Variants in MTUS1 observed in about 807,000 individuals in gnomAD.
The protein encoded by MTUS1 is microtubule-associated tumor suppressor 1.
In MTUS1, 109 loss-of-function variants were observed where a neutral mutation model predicts 120.8. That is an observed-to-expected ratio of 0.90 (90% CI 0.77 to 1.06). The LOEUF (loss-of-function observed/expected upper bound fraction) is 1.06. Among genes scored for constraint, MTUS1 ranks in the 50% least tolerant of loss-of-function variants. MTUS1 has a pLI of 0.00. For missense variants in MTUS1, 2,210 were observed against 1,486.3 expected (o/e 1.49, Z -8.01); for synonymous variants, 737 against 550.5 (o/e 1.34, Z -4.74).
At position 17,711,833 on chromosome 8, in the gene MTUS1, A is replaced by G. The variant is rs557075989; in HGVS notation, c.2623+1381T>C. Among the ~76,000 whole-genome samples the G allele has an allele frequency of 2.2e-4, 34 of 152,286 alleles. 1 individual carries two copies. The highest frequency in any genetic ancestry group is 8.2e-4 in the African/African-American group (34 of 41,552). On this transcript the variant is annotated intron_variant, in intron 6 of 14. Transcript: ENST00000693296. ...TTCACTTGAATATTCAGAGGTCATT[A>G]TAGGGCTATTAATTGGTTACTTTCA...
chr8:17,681,839 A>G (rs1814580077), intron 7 of MTUS1, among the ~76,000 whole-genome samples: 1 of 139,940 alleles, frequency 7.1e-6, no homozygotes, highest in Non-Finnish European at 1.6e-5. Flanking sequence ...CCTAGTAGCC[A>G]CGCTGAGAAA....
chr8:17,652,141 T>C (rs1807141045), intron 12 of MTUS1, among the ~76,000 whole-genome samples: 1 of 151,942 alleles, frequency 6.6e-6, no homozygotes, highest in South Asian at 2.1e-4. Flanking sequence ...ATGAAAACAG[T>C]GGTACTAAAG....
At chr8:17,786,700 C>T (rs1028251483) in intron 1 of MTUS1, among the ~76,000 whole-genome samples, 10 of 152,256 alleles carry the variant, frequency 6.6e-5, no homozygotes, top group Middle Eastern at 3.4e-3. Context: ...CCACCTGCTT[C>T]CGTAGTTGAG....
intron 6 of MTUS1, among the ~76,000 whole-genome samples, chr8:17,687,980 C>T (rs1242615532): frequency 1.3e-5 from 2 of 152,170 alleles, no homozygotes; most frequent in Non-Finnish European, 2.9e-5. Flanking sequence ...AAAACCTAAC[C>T]ATTAAGACAT....
At chr8:17,650,915 C>A (rs1429142700) in intron 12 of MTUS1, among the ~76,000 whole-genome samples, 2 of 152,150 alleles carry the variant, frequency 1.3e-5, no homozygotes, top group African/African-American at 2.4e-5. Flanking sequence ...AGGTAAGAGT[C>A]GGTGGTGTGG....
At position 17,699,429 on chromosome 8, in the gene MTUS1, C is replaced by T. The variant is rs554193269; in HGVS notation, c.2623+13785G>A. On this transcript the variant is annotated intron_variant, in intron 6 of 14. Transcript: ENST00000693296. ...GAGTTTTCACCATGTTGGCCAGGCTCGTCTCGAACTCCTGACCTCAGGTGA... is the reference window on the plus strand; with the variant it reads ...GAGTTTTCACCATGTTGGCCAGGCTTGTCTCGAACTCCTGACCTCAGGTGA... 1.4e-4 allele frequency among the ~76,000 whole-genome samples: 22 copies of T among 152,034 alleles called. No individual in the cohort carries two copies. The East Asian group carries it at 2.1e-3, about 15-fold the overall frequency.
chr8:17,708,475 C>A (rs539427443), intron 6 of MTUS1, among the ~76,000 whole-genome samples: 19 of 152,300 alleles, frequency 1.2e-4, no homozygotes, highest in African/African-American at 4.3e-4. Flanking sequence ...TGTGGAGAAA[C>A]AGGATTCTTC....
At chr8:17,674,946 T>C (rs910593488) in intron 8 of MTUS1, 6 of 1,271,494 alleles carry the variant, frequency 4.7e-6, no homozygotes, top group African/African-American at 4.6e-5. Context: ...AAGAGAAATA[T>C]TTTGCTCATC....
At chr8:17,719,993 T>TGG (rs1206890255) in intron 4 of MTUS1, among the ~76,000 whole-genome samples, 1 of 147,480 alleles carries the variant, frequency 6.8e-6, no homozygotes, top group Non-Finnish European at 1.5e-5. Flanking sequence ...GAGGAGAGTA[T>TGG]GGAGGCTGGA....
chr8:17,783,156 A>T (rs2051022538), intron 1 of MTUS1, among the ~76,000 whole-genome samples: 1 of 152,206 alleles, frequency 6.6e-6, no homozygotes, highest in African/African-American at 2.4e-5. Context: ...TTGAGAAGGC[A>T]ACCTGGCTTG....
intron 4 of MTUS1, among the ~76,000 whole-genome samples, chr8:17,716,303 G>C (rs1822318461): frequency 6.6e-6 from 1 of 152,166 alleles, no homozygotes; most frequent in African/African-American, 2.4e-5. Context: ...AATGACACAA[G>C]AACAGTAACA....
At chr8:17,659,776 G>C (rs1298062123) in intron 8 of MTUS1, among the ~76,000 whole-genome samples, 3 of 152,152 alleles carry the variant, frequency 2.0e-5, no homozygotes. Context: ...TGATTCAGTG[G>C]CATTGAATAC....
chr8:17,666,928 G>T (rs1203130360), intron 8 of MTUS1, among the ~76,000 whole-genome samples: 1 of 152,186 alleles, frequency 6.6e-6, no homozygotes, highest in Non-Finnish European at 1.5e-5. Context: ...CAAGTCAGAA[G>T]CAATGGGCAT....
intron 6 of MTUS1, among the ~76,000 whole-genome samples, chr8:17,709,677 A>G (rs561109405): frequency 6.6e-6 from 1 of 152,236 alleles, no homozygotes; most frequent in African/African-American, 2.4e-5. Context: ...ACACTACACT[A>G]TAGTCTAGTG....
intron 8 of MTUS1, among the ~76,000 whole-genome samples, chr8:17,659,716 CTG>C (rs1809263424): frequency 6.6e-6 from 1 of 152,074 alleles, no homozygotes; most frequent in African/African-American, 2.4e-5. Flanking sequence ...AACAAAAAAA[CTG>C]TGATGAAGCA....
chr8:17,799,032 C>G (rs879033939), intron 1 of MTUS1, among the ~76,000 whole-genome samples: 1 of 150,764 alleles, frequency 6.6e-6, no homozygotes, highest in Non-Finnish European at 1.5e-5. Context: ...TTTTTTTTCC[C>G]TTTAAGGATG....
In MTUS1 at chr8:17,796,149, C is replaced by T. The variant is rs184707126; in HGVS notation, c.-155+4912G>A. 1.2e-4 allele frequency among the ~76,000 whole-genome samples: 18 copies of T among 151,978 alleles called. No homozygotes were observed. The East Asian group carries it at 3.5e-3, about 30-fold the overall frequency. ...TATTTTTAGTAGAGATGGGGTTTCACTATGTTGGCCAGGGTAGTCTAGAAC... is the reference window on the plus strand; with the variant it reads ...TATTTTTAGTAGAGATGGGGTTTCATTATGTTGGCCAGGGTAGTCTAGAAC... On this transcript the variant is annotated intron_variant, in intron 1 of 14. Transcript: ENST00000693296.
intron 3 of MTUS1, among the ~76,000 whole-genome samples, chr8:17,735,141 C>T (rs1234279607): frequency 1.3e-5 from 2 of 152,210 alleles, no homozygotes; most frequent in African/African-American, 2.4e-5. Context: ...CATATTTTTA[C>T]TCTTAAACCT....
intron 8 of MTUS1, among the ~76,000 whole-genome samples, chr8:17,657,911 A>G (rs1808775130): frequency 6.6e-6 from 1 of 151,418 alleles, no homozygotes. Flanking sequence ...GCATGCATAT[A>G]TGTATATATC....
Sources: allele counts gnomAD v4.1 joint callset (sites outside exome capture counted in the v4.1 genomes callset), GRCh38; gene constraint gnomAD v4.1.1; transcripts MANE v1.5; gene names NCBI Gene and HGNC (gene_info 2026-07-23, HGNC 2026-07-21).